Variants in NSUN3 observed in about 807,000 individuals in gnomAD.
The protein encoded by NSUN3 is NOP2/Sun RNA methyltransferase 3.
Under a neutral mutation model 36.8 loss-of-function variants are expected in NSUN3, and 24 were observed. That is an observed-to-expected ratio of 0.65 (90% CI 0.47 to 0.92). NSUN3 has a LOEUF of 0.92. Among genes scored for constraint, NSUN3 ranks in the 40% least tolerant of loss-of-function variants. The pLI, the probability that NSUN3 is intolerant of heterozygous loss-of-function variation, is 0.00. For synonymous variants in NSUN3, 146 were observed against 145.2 expected, an observed-to-expected ratio of 1.01 and a Z score of -0.04; for missense variants, 381 against 392.8, an observed-to-expected ratio of 0.97 and a Z score of 0.25.
chr3:94,122,150 C>A (rs1315898694), intron 5 of NSUN3, among the ~76,000 whole-genome samples: 10 of 126,070 alleles, frequency 7.9e-5, no homozygotes, highest in African/African-American at 2.5e-4. Context: ...ATCCCCCCAC[C>A]TAAAAAAAAA....
At chr3:94,115,290 G>A (rs1157640310) in intron 5 of NSUN3, among the ~76,000 whole-genome samples, 3 of 152,066 alleles carry the variant, frequency 2.0e-5, no homozygotes, top group Non-Finnish European at 4.4e-5. Context: ...AATTTCTACA[G>A]TCTTACTTGG....
chr3:94,063,981 T>TG (rs2077192878), intron 1 of NSUN3: 1 of 157,084 alleles, frequency 6.4e-6, no homozygotes, highest in African/African-American at 2.4e-5. Context: ...CCTGAGTAGG[T>TG]GGGGTTACAG....
chr3:94,091,227 C>T (rs768487618), intron 3 of NSUN3, among the ~76,000 whole-genome samples: 4 of 151,844 alleles, frequency 2.6e-5, no homozygotes, highest in Admixed American at 1.3e-4. Context: ...TTCAAAGGAA[C>T]GATGGACAGA....
intron 2 of NSUN3, among the ~76,000 whole-genome samples, chr3:94,068,336 C>T (rs2077213242): frequency 6.6e-6 from 1 of 152,118 alleles, no homozygotes; most frequent in Non-Finnish European, 1.5e-5. Context: ...TTTTGCCCTT[C>T]GTGTATCCAT....
intron 5 of NSUN3, among the ~76,000 whole-genome samples, chr3:94,115,298 T>TG (rs2077435225): frequency 6.6e-6 from 1 of 152,182 alleles, no homozygotes; most frequent in African/African-American, 2.4e-5. Context: ...CAGTCTTACT[T>TG]GGTTTTAAAA....
chr3:94,113,440 T>TA (rs749540046), intron 5 of NSUN3, among the ~76,000 whole-genome samples: 1 of 152,070 alleles, frequency 6.6e-6, no homozygotes, highest in Non-Finnish European at 1.5e-5. Context: ...AGGTAACATA[T>TA]AACACACTTA....
At chr3:94,077,168 C>A in intron 2 of NSUN3, 2 of 715,544 alleles carry the variant, frequency 2.8e-6, no homozygotes, top group South Asian at 2.9e-5. Context: ...GCTTCCTTGT[C>A]AGTCATGGAG....
At chr3:94,082,028 A>G (rs893037993) in intron 2 of NSUN3, 3 of 152,242 alleles carry the variant, frequency 2.0e-5, no homozygotes, top group African/African-American at 7.2e-5. Context: ...TAACTAATTG[A>G]AAGTGTTCTA....
intron 5 of NSUN3, among the ~76,000 whole-genome samples, chr3:94,096,326 G>C (rs752725370): frequency 3.3e-5 from 5 of 152,034 alleles, no homozygotes; most frequent in Non-Finnish European, 7.4e-5. Flanking sequence ...TAGACTATTT[G>C]TTTGTATACT....
At chr3:94,085,032 T>A (rs1352568994) in intron 3 of NSUN3, 1 of 152,226 alleles carries the variant, frequency 6.6e-6, no homozygotes, top group East Asian at 1.9e-4. Context: ...TTTTACATTC[T>A]CTCTTTTTTT....
At position 94,130,487 on chromosome 3, in the gene NSUN3, G is replaced by T. The variant is rs1378563406; in HGVS notation, c.*3997G>T. Among the ~76,000 whole-genome samples the T allele has an allele frequency of 6.6e-6, 1 of 152,182 alleles. No homozygotes were observed. Among genetic ancestry groups the T allele is most frequent in the African/African-American group, 2.4e-5 (1 of 41,426 alleles). ...CCCAGGACATTTTTGGAAATTGTAT[G>T]CTCTCTAGCAACTTTGCGTGAATTT... On this transcript the variant is annotated 3_prime_UTR_variant, in exon 6 of 6. Coordinates refer to ENST00000314622, the MANE Select transcript of NSUN3 (RefSeq NM_022072.5).
intron 5 of NSUN3, among the ~76,000 whole-genome samples, chr3:94,101,627 A>T (rs2077366522): frequency 6.6e-6 from 1 of 152,214 alleles, no homozygotes; most frequent in Non-Finnish European, 1.5e-5. Flanking sequence ...TCAGGAGATG[A>T]GAATGAGGGG....
chr3:94,091,096 G>C (rs2077312899), intron 3 of NSUN3, among the ~76,000 whole-genome samples: 1 of 151,920 alleles, frequency 6.6e-6, no homozygotes, highest in African/African-American at 2.4e-5. Flanking sequence ...ATATGGGTCT[G>C]CAGCAACTTC....
chr3:94,115,051 TTTTTGG>T (rs1268391610), intron 5 of NSUN3, among the ~76,000 whole-genome samples: 22 of 152,192 alleles, frequency 1.4e-4, no homozygotes, highest in Admixed American at 1.4e-3. Context: ...GCAACTTACC[TTTTTGG>T]TTTTGGACTT....
At chr3:94,108,082 T>C (rs1283356057) in intron 5 of NSUN3, among the ~76,000 whole-genome samples, 1 of 151,650 alleles carries the variant, frequency 6.6e-6, no homozygotes, top group Admixed American at 6.6e-5. Context: ...AGAATTTTTT[T>C]TGATAAAATT....
chr3:94,108,854 G>A (rs1343543721), intron 5 of NSUN3, among the ~76,000 whole-genome samples: 6 of 151,860 alleles, frequency 4.0e-5, no homozygotes, highest in African/African-American at 9.7e-5. Context: ...TAGTAGAGAC[G>A]GGGTTTCACC....
intron 5 of NSUN3, among the ~76,000 whole-genome samples, chr3:94,104,108 G>T (rs111505861): frequency 6.6e-6 from 1 of 152,144 alleles, no homozygotes; most frequent in Non-Finnish European, 1.5e-5. Flanking sequence ...GATTTATGGG[G>T]CATGGCTTCC....
At chr3:94,107,974 C>CTT (rs11437686) in intron 5 of NSUN3, among the ~76,000 whole-genome samples, 24,804 of 114,344 alleles carry the variant, frequency 0.22, 3,367 homozygotes, top group Non-Finnish European at 0.27. Context: ...TTTTTTTTTC[C>CTT]TTTTTTTTTT....
rs191573451 is a variant in NSUN3, at chr3:94,103,683, A to G, written c.743+8529A>G. ...TTATCATGAACATTTCAATTATTCA[A>G]TAGTCTTTGAAAACATGCCATTCCT... On this transcript the variant is annotated intron_variant, in intron 5 of 5. Transcript: ENST00000314622. 1.1e-4 allele frequency among the ~76,000 whole-genome samples: 17 copies of G among 152,272 alleles called. No individual in the cohort carries two copies. In the East Asian group the frequency reaches 3.1e-3, roughly 28 times the overall value.
Sources: allele counts gnomAD v4.1 joint callset (sites outside exome capture counted in the v4.1 genomes callset), GRCh38; gene constraint gnomAD v4.1.1; transcripts MANE v1.5; gene names NCBI Gene and HGNC (gene_info 2026-07-23, HGNC 2026-07-21).